The following ABCF3 variants were observed in gnomAD, a reference collection of about 807,000 sequenced individuals.
The protein encoded by ABCF3 is ATP binding cassette subfamily F member 3.
Under a neutral mutation model 94.3 loss-of-function variants are expected in ABCF3, and 62 were observed. The ratio of observed to expected loss-of-function variants is 0.66; its 90% CI spans 0.54 to 0.81. The LOEUF is 0.81. Among genes scored for constraint, ABCF3 ranks in the 40% least tolerant of loss-of-function variants. The pLI, the probability that ABCF3 is intolerant of heterozygous loss-of-function variation, is 0.00. For missense variants in ABCF3, 843 were observed against 925.3 expected, an observed-to-expected ratio of 0.91 and a Z score of 1.15; for synonymous variants, 355 against 361.1, an observed-to-expected ratio of 0.98 and a Z score of 0.19.
intron 8 of ABCF3, 21 bp from the exon 9 acceptor site, chr3:184,188,908 C>T (rs1240483200): frequency 1.2e-6 from 2 of 1,614,204 alleles, no homozygotes; most frequent in African/African-American, 1.3e-5. Context: ...CAACTGAGTT[C>T]TTCGATTTCT....
rs762946158 is a variant in ABCF3, at chr3:184,192,698, C to T, written c.1658+9C>T. On this transcript the variant is annotated intron_variant, in intron 17 of 20. Coordinates refer to ENST00000429586, the MANE Select transcript of ABCF3 (RefSeq NM_018358.3). ...ATCAGACACGCTCACAGGTCAGGCC[C>T]ACCCGCACCCCTGCCCCCATGAGCA... 2 of 1,610,076 alleles carry T rather than the reference C, an allele frequency of 1.2e-6. No homozygotes were observed.
rs1577066389 is a variant in ABCF3 at position 184,188,211 on chromosome 3, T to A, written c.640T>A (p.Leu214Met). Residue 214 changes from leucine (L) to methionine (M), a missense_variant, in exon 7 of 21, where the codon TTG becomes ATG. Transcript: ENST00000429586. Reference sequence around the variant, plus strand: ...TTACGGGCTGGTGGGGCGGAATGGGTTGGGGAAGACAACGTTACTGAAGAT... The same window carrying A: ...TTACGGGCTGGTGGGGCGGAATGGGATGGGGAAGACAACGTTACTGAAGAT... ...RRYGLVGRNG[L>M]GKTTLLKMLA... 1.2e-6 allele frequency: 2 copies of A among 1,613,680 alleles called. No individual in the cohort carries two copies. The highest frequency in any genetic ancestry group is 2.2e-5 in the East Asian group (1 of 44,888).
chr3:184,193,058 G>T lies in ABCF3; in HGVS notation c.1751-44G>T, dbSNP rs182989427. ...GGTGTGGCTGGAGGGCACAGGGAGG[G>T]TGTTGGGCCAAGAAGCCACCTGATC... On this transcript the variant is annotated intron_variant, in intron 18 of 20. Coordinates refer to ENST00000429586, the MANE Select transcript of ABCF3 (RefSeq NM_018358.3). This position sits in a 1 kb window ranked among gnomAD's most constrained non-coding sequence, Gnocchi z 5.2. 3.3e-6 allele frequency: 5 copies of T among 1,537,180 alleles called. No individual in the cohort carries two copies. Among genetic ancestry groups the T allele is most frequent in the Non-Finnish European group, 3.5e-6 (4 of 1,142,590 alleles).
chr3:184,190,754 A>T, intron 14 of ABCF3: 1 of 473,334 alleles, frequency 2.1e-6, no homozygotes, highest in African/African-American at 1.9e-5. Flanking sequence ...GGAAGCTTAA[A>T]ATCATAAAGC....
chr3:184,192,940 G>A, intron 18 of ABCF3, 44 bp downstream of exon 18: 1 of 1,608,044 alleles, frequency 6.2e-7, no homozygotes, highest in Non-Finnish European at 8.5e-7. Flanking sequence ...GAGTAGGGAA[G>A]AGGGCTGAGG....
chr3:184,192,779 T>G, intron 17 of ABCF3, 26 bp from the exon 18 acceptor site: 3 of 1,613,526 alleles, frequency 1.9e-6, no homozygotes, highest in Non-Finnish European at 2.5e-6. Context: ...CTTTGTCTGT[T>G]TTTCCACCTC....
At chr3:184,188,465 C>A (rs193206278) in intron 7 of ABCF3, 58 bp downstream of exon 7, 3 of 1,549,806 alleles carry the variant, frequency 1.9e-6, no homozygotes, top group African/African-American at 2.7e-5. Flanking sequence ...GAGCGCCTGC[C>A]GTCCTGGAAC....
At chr3:184,190,811 A>AT (rs1333159517) in intron 14 of ABCF3, 188 bp from the exon 15 acceptor site, 2 of 666,530 alleles carry the variant, frequency 3.0e-6, no homozygotes, top group Admixed American at 6.1e-5. Flanking sequence ...GTAACTGGGG[A>AT]TAAAAAGTCA....
In ABCF3 at chr3:184,189,565, C is replaced by T. The variant is rs770422636; in HGVS notation, c.1122C>T (p.Pro374=). Residue 374 remains proline (P), a synonymous_variant, in exon 13 of 21, where the codon CCC becomes CCT. Transcript: ENST00000429586. Reference sequence around the variant, plus strand: ...GTCCTGTGACCCCTCAGACGTGGCCCTCCACCATCCTAGTCGTCTCCCACG... The same window carrying T: ...GTCCTGTGACCCCTCAGACGTGGCCTTCCACCATCCTAGTCGTCTCCCACG... The part of the protein sequence containing the change: ...LWLENYLQTW[P]STILVVSHDR... 6 of 1,614,150 alleles carry T rather than the reference C, an allele frequency of 3.7e-6. No individual in the cohort carries two copies. The South Asian group carries it at 6.6e-5, about 18-fold the overall frequency.
In ABCF3 at chr3:184,193,473, A is replaced by T. The variant is rs1164597943; in HGVS notation, c.1971+21A>T. 4.3e-6 allele frequency: 7 copies of T among 1,613,632 alleles called. No individual in the cohort carries two copies. In the Admixed American group the frequency reaches 8.3e-5, roughly 19 times the overall value. On this transcript the variant is annotated intron_variant, in intron 20 of 20. Transcript: ENST00000429586. This position sits in a 1 kb window ranked among gnomAD's most constrained non-coding sequence, Gnocchi z 5.2. ...TCAGGGTGAGTGTGCCTTCACCCTG[A>T]CCACTCCTCCCAGGCCTCGGTGCCT...
At chr3:184,191,763 T>TTTTTTTTTTTTTTTTTTC (rs1560136440) in intron 16 of ABCF3, among the ~76,000 whole-genome samples, 1 of 150,336 alleles carries the variant, frequency 6.7e-6, no homozygotes. Flanking sequence ...TTTTTTTTTT[T>TTTTTTTTTTTTTTTTTTC]CGGAGACAGA....
intron 10 of ABCF3, 55 bp from the exon 11 acceptor site, chr3:184,189,200 G>A: frequency 6.2e-7 from 1 of 1,614,196 alleles, no homozygotes; most frequent in Non-Finnish European, 8.5e-7. Context: ...TTAGCTCTTG[G>A]GAGGTGGCAT....
intron 16 of ABCF3, among the ~76,000 whole-genome samples, chr3:184,191,737 GA>G (rs1178992413): frequency 2.9e-5 from 1 of 34,404 alleles, no homozygotes; most frequent in Non-Finnish European, 6.2e-5. Flanking sequence ...TTTTTCTGTA[GA>G]GTTAGAGTTC....
At position 184,186,298 on chromosome 3, in the gene ABCF3, G is replaced by A. The variant is rs760438553; in HGVS notation, c.73+18G>A. On this transcript the variant is annotated intron_variant, in intron 1 of 20. Transcript: ENST00000429586. The stretch of plus-strand genomic sequence containing the variant: ...CGTGACCGGTAAGCAGAACTGAATC[G>A]GCCGGCTGGGGAGACCGAAGTGGAG... 1 of 1,613,996 alleles carries A rather than the reference G, an allele frequency of 6.2e-7. No individual in the cohort carries two copies. The highest frequency in any genetic ancestry group is 8.5e-7 in the Non-Finnish European group (1 of 1,179,864).
intron 1 of ABCF3, 26 bp from the exon 2 acceptor site, chr3:184,186,481 T>G: frequency 6.3e-7 from 1 of 1,598,272 alleles, no homozygotes. Flanking sequence ...CCCGATACCT[T>G]CCTCGTTCTA....
Position 184,188,252 on chromosome 3 carries a change from T to G in ABCF3, c.681T>G (p.Ser227Arg), listed in dbSNP as rs772142140. 1 of 1,613,868 alleles carries G rather than the reference T, an allele frequency of 6.2e-7. No individual in the cohort carries two copies. Among genetic ancestry groups the G allele is most frequent in the Non-Finnish European group, 8.5e-7 (1 of 1,179,990 alleles). ...TTLLKMLATR[S>R]LRVPAHISLL... ...TACTGAAGATGCTGGCCACCCGGAGTCTGCGGGTTCCAGCCCACATTTCCC... is the reference window on the plus strand; with the variant it reads ...TACTGAAGATGCTGGCCACCCGGAGGCTGCGGGTTCCAGCCCACATTTCCC... The change falls in exon 7 of 21, where the codon AGT (serine) becomes AGG (arginine). Residue 227 changes from serine (S) to arginine (R), a missense_variant. Coordinates refer to ENST00000429586, the MANE Select transcript of ABCF3 (RefSeq NM_018358.3).
At position 184,192,828 on chromosome 3, in the gene ABCF3, G is replaced by T; in HGVS notation, c.1682G>T (p.Ser561Ile). 6.2e-7 allele frequency: 1 copy of T among 1,614,162 alleles called. No individual in the cohort carries two copies. The highest frequency in any genetic ancestry group is 8.5e-7 in the Non-Finnish European group (1 of 1,179,998). ...AGGAATCTGAAGATTGGCTATTTCA[G>T]CCAGCACCATGTGGAGCAGCTGGAC... ...AHRNLKIGYF[S>I]QHHVEQLDLN... Residue 561 changes from serine to isoleucine, a missense_variant, in exon 18 of 21, where the codon AGC becomes ATC. Physicochemically the swap from Ser to Ile is moderately radical, Grantham distance 142. Coordinates refer to ENST00000429586, the MANE Select transcript of ABCF3 (RefSeq NM_018358.3).
At chr3:184,191,287 G>A (rs1415323568) in intron 16 of ABCF3, 32 bp downstream of exon 16, 2 of 1,612,270 alleles carry the variant, frequency 1.2e-6, no homozygotes, top group Non-Finnish European at 1.7e-6. Context: ...GCTGCGAGCT[G>A]GGACTCTCCT....
chr3:184,187,291 G>C, intron 3 of ABCF3, 106 bp from the exon 4 acceptor site: 1 of 1,309,458 alleles, frequency 7.6e-7, no homozygotes, highest in Middle Eastern at 2.2e-4. Context: ...GTATTATAAG[G>C]TTTTGTAGAA....
Sources: allele counts gnomAD v4.1 joint callset (sites outside exome capture counted in the v4.1 genomes callset), GRCh38; gene constraint gnomAD v4.1.1; non-coding constraint Gnocchi (gnomAD v3.1); transcripts MANE v1.5; gene names NCBI Gene and HGNC (gene_info 2026-07-23, HGNC 2026-07-21).